The following SENP6 variants were observed in gnomAD, a reference collection of about 807,000 sequenced individuals.
SENP6 encodes the protein SUMO specific peptidase 6.
In SENP6, 41 loss-of-function variants were observed where a neutral mutation model predicts 134.5. The ratio of observed to expected loss-of-function variants is 0.30; its 90% CI spans 0.24 to 0.40. The LOEUF is 0.40. Among genes scored for constraint, SENP6 ranks in the 10% least tolerant of loss-of-function variants. The probability of loss-of-function intolerance (pLI) is 1.00; values close to 1 mark genes in which losing one functional copy is unlikely to be tolerated. For synonymous variants in SENP6, 395 were observed against 429.8 expected, an observed-to-expected ratio of 0.92 and a Z score of 1.00; for missense variants, 1,248 against 1,312.5, an observed-to-expected ratio of 0.95 and a Z score of 0.76.
rs771459534 is a variant in SENP6 at position 75,696,927 on chromosome 6, ATAAT to A, written c.2196-493_2196-490del. Among the ~76,000 whole-genome samples the A allele has an allele frequency of 5.9e-5, 9 of 152,204 alleles. No homozygotes were observed. The East Asian group carries it at 9.6e-4, about 16-fold the overall frequency. ...AATTGATGGCTGCTATGCATAATAAATAATTAATAATAATAATATATTCTCTTAT... is the reference window on the plus strand; with the variant it reads ...AATTGATGGCTGCTATGCATAATAAATAATAATAATAATATATTCTCTTAT... On this transcript the variant is annotated intron_variant, in intron 17 of 23. Transcript: ENST00000447266.
At position 75,678,638 on chromosome 6, in the gene SENP6, A is replaced by G. The variant is rs756045339; in HGVS notation, c.1904A>G (p.Asp635Gly). Reference sequence around the variant, plus strand: ...AGCAAACAAGAATTTCAGTTTTTTGATGAAGAAGAAGAAACTGGAGAAAAC... The same window carrying G: ...AGCAAACAAGAATTTCAGTTTTTTGGTGAAGAAGAAGAAACTGGAGAAAAC... ...LRSKQEFQFF[D>G]EEEETGENHT... The change falls in exon 15 of 24, where the codon GAT (aspartate) becomes GGT (glycine). Residue 635 changes from aspartate to glycine, a missense_variant. Physicochemically the swap from Asp to Gly is moderately conservative, Grantham distance 94. This residue lies in a region of SENP6 where 129 missense variants were observed against 192.0 expected (regional missense o/e 0.67). Transcript: ENST00000447266. 3.7e-6 allele frequency: 6 copies of G among 1,604,670 alleles called. No homozygotes were observed. The Admixed American group carries it at 5.1e-5, about 14-fold the overall frequency.
chr6:75,616,745 C>CAAAAA (rs1227499332), intron 1 of SENP6, among the ~76,000 whole-genome samples: 2 of 59,008 alleles, frequency 3.4e-5, no homozygotes, highest in Non-Finnish European at 6.9e-5. Flanking sequence ...GACTCCATCT[C>CAAAAA]AAAAAAAAAA....
chr6:75,614,657 G>T (rs1767715861), intron 1 of SENP6, among the ~76,000 whole-genome samples: 1 of 152,104 alleles, frequency 6.6e-6, no homozygotes, highest in African/African-American at 2.4e-5. Context: ...TCACCCACTG[G>T]TTCAGCATCC....
chr6:75,609,126 T>G (rs1561959157), intron 1 of SENP6, among the ~76,000 whole-genome samples: 2 of 151,944 alleles, frequency 1.3e-5, no homozygotes, highest in South Asian at 2.1e-4. Context: ...CTTAAGTTAT[T>G]GGGGAAGTCA....
intron 21 of SENP6, 70 bp from the exon 22 acceptor site, chr6:75,713,443 C>A: frequency 1.6e-6 from 2 of 1,255,102 alleles, no homozygotes; most frequent in Non-Finnish European, 2.3e-6. Context: ...TTATAATATG[C>A]CACTTTTAAT....
At chr6:75,703,786 G>T (rs1746395015) in intron 19 of SENP6, among the ~76,000 whole-genome samples, 1 of 151,904 alleles carries the variant, frequency 6.6e-6, no homozygotes, top group Non-Finnish European at 1.5e-5. Context: ...AAAAAATTGA[G>T]AACTTTCCAT....
intron 18 of SENP6, among the ~76,000 whole-genome samples, chr6:75,698,289 A>G (rs539289425): frequency 2.6e-5 from 4 of 152,348 alleles, no homozygotes; most frequent in Admixed American, 1.3e-4. Flanking sequence ...GTAAAGAAGT[A>G]GCATTCACTC....
intron 5 of SENP6, among the ~76,000 whole-genome samples, chr6:75,639,854 A>G (rs1025284470): frequency 6.6e-6 from 1 of 152,206 alleles, no homozygotes; most frequent in Non-Finnish European, 1.5e-5. Context: ...TCCAAAGGAA[A>G]TAATCATACC....
intron 18 of SENP6, among the ~76,000 whole-genome samples, chr6:75,698,459 G>A (rs932822571): frequency 1.3e-5 from 2 of 151,798 alleles, no homozygotes; most frequent in Non-Finnish European, 1.5e-5. Flanking sequence ...GATTGTTTAT[G>A]TCTAATAAGC....
In SENP6 at chr6:75,635,653, A is replaced by G. The variant is rs190457902; in HGVS notation, c.458+842A>G. On this transcript the variant is annotated intron_variant, in intron 5 of 23. Transcript: ENST00000447266. Reference sequence around the variant, plus strand: ...TGCCTTAAATGTATTATTGTATCAAATAGTGTTCACCTGAGATGCTTGAGA... The same window carrying G: ...TGCCTTAAATGTATTATTGTATCAAGTAGTGTTCACCTGAGATGCTTGAGA... Among the ~76,000 whole-genome samples the G allele has an allele frequency of 8.1e-4, 124 of 152,244 alleles. 1 individual carries two copies. The highest frequency in any genetic ancestry group is 6.8e-3 in the Middle Eastern group (2 of 294).
rs541410620 is a variant in SENP6 at position 75,718,157 on chromosome 6, A to G, written c.*2563A>G. 1.8e-4 allele frequency: 28 copies of G among 152,348 alleles called. 1 individual carries two copies. Among genetic ancestry groups the G allele is most frequent in the African/African-American group, 5.5e-4 (23 of 41,582 alleles). The allele number at this position is 152,348 out of a possible 1,614,324, so 9.4% of individuals were successfully genotyped here. Reference sequence around the variant, plus strand: ...GCAGTAATTTTTCTTTAAAAAAATGATCTCTGAAAACTGTGAGACAATGTA... The same window carrying G: ...GCAGTAATTTTTCTTTAAAAAAATGGTCTCTGAAAACTGTGAGACAATGTA... On this transcript the variant is annotated 3_prime_UTR_variant, in exon 24 of 24. Coordinates refer to ENST00000447266, the MANE Select transcript of SENP6 (RefSeq NM_015571.4).
Position 75,652,162 on chromosome 6 carries a change from G to A in SENP6, c.550+4361G>A, listed in dbSNP as rs150950216. ...ACTGTCCTCCAACCTGGGCAACAGA[G>A]TGAGACCATATCTCAGAAAAATAAA... On this transcript the variant is annotated intron_variant, in intron 7 of 23. Coordinates refer to ENST00000447266, the MANE Select transcript of SENP6 (RefSeq NM_015571.4). 1.9e-3 allele frequency among the ~76,000 whole-genome samples: 284 copies of A among 152,088 alleles called. 1 individual carries two copies. The highest frequency in any genetic ancestry group is 3.2e-3 in the Non-Finnish European group (217 of 67,996).
At position 75,634,716 on chromosome 6, in the gene SENP6, G is replaced by A. The variant is rs191685973; in HGVS notation, c.363G>A (p.Thr121=). Residue 121 remains threonine (T), a synonymous_variant, in exon 5 of 24, where the codon ACG becomes ACA. Coordinates refer to ENST00000447266, the MANE Select transcript of SENP6 (RefSeq NM_015571.4). The stretch of plus-strand genomic sequence containing the variant: ...TTTCTTGAATCTGCAGTGAAAATAC[G>A]CAAAATACGTCATTATGTTCTGGAA... ...LSNNKKLSEN[T]QNTSLCSGTV... 162 of 1,567,424 alleles carry A rather than the reference G, an allele frequency of 1.0e-4. No individual in the cohort carries two copies. Among genetic ancestry groups the A allele is most frequent in the East Asian group, 1.8e-4 (8 of 43,534 alleles).
At chr6:75,697,140 T>A (rs1360858529) in intron 17 of SENP6, among the ~76,000 whole-genome samples, 1 of 152,120 alleles carries the variant, frequency 6.6e-6, no homozygotes, top group Non-Finnish European at 1.5e-5. Flanking sequence ...AATTCTGCAG[T>A]AATAAAAATA....
chr6:75,691,152 T>C (rs1340064714), intron 16 of SENP6, among the ~76,000 whole-genome samples: 1 of 151,704 alleles, frequency 6.6e-6, no homozygotes, highest in Non-Finnish European at 1.5e-5. Context: ...AATTTTTTTT[T>C]TTTTTTCAAA....
At chr6:75,650,740 G>A (rs1247232164) in intron 7 of SENP6, among the ~76,000 whole-genome samples, 1 of 152,062 alleles carries the variant, frequency 6.6e-6, no homozygotes, top group African/African-American at 2.4e-5. Flanking sequence ...AAATAGCAAT[G>A]CTATAATAAT....
chr6:75,679,775 CAG>C (rs770294118), intron 16 of SENP6: 3 of 152,266 alleles, frequency 2.0e-5, no homozygotes, highest in African/African-American at 4.8e-5. Flanking sequence ...TGAAATAAAA[CAG>C]AACTTAGCAT....
At position 75,621,631 on chromosome 6, in the gene SENP6, GA is replaced by G; in HGVS notation, c.146+7del. 6.5e-7 allele frequency: 1 copy of G among 1,546,608 alleles called. No homozygotes were observed. Among genetic ancestry groups the G allele is most frequent in the Non-Finnish European group, 8.9e-7 (1 of 1,128,030 alleles). On this transcript the variant is annotated splice_region_variant and intron_variant, in intron 2 of 23. Transcript: ENST00000447266. ...GAAGGAGATACAGATAAAGAGTAAG[GA>G]TTTTTTTTTCCCTCAGATGTTTTAT...
chr6:75,674,199 C>T (rs1341186878), intron 11 of SENP6, among the ~76,000 whole-genome samples: 1 of 141,192 alleles, frequency 7.1e-6, no homozygotes, highest in Non-Finnish European at 1.5e-5. Context: ...CTTCGTTGCT[C>T]AGGCTGGAGT....
Sources: allele counts gnomAD v4.1 joint callset (sites outside exome capture counted in the v4.1 genomes callset), GRCh38; gene constraint gnomAD v4.1.1; regional missense constraint gnomAD v4.1.1; transcripts MANE v1.5; gene names NCBI Gene and HGNC (gene_info 2026-07-23, HGNC 2026-07-21).